Variants in NAALADL2 observed in about 807,000 individuals in gnomAD.
The protein encoded by NAALADL2 is inactive N-acetylated-alpha-linked acidic dipeptidase-like protein 2.
In NAALADL2, 76 loss-of-function variants were observed where a neutral mutation model predicts 87.2. The observed-to-expected ratio is 0.87, with a 90% CI of 0.72 to 1.05. The LOEUF (loss-of-function observed/expected upper bound fraction) is 1.05. Ranked by LOEUF, NAALADL2 falls within the 50% of genes least tolerant of loss-of-function variation. The pLI, the probability that NAALADL2 is intolerant of heterozygous loss-of-function variation, is 0.00. For missense variants in NAALADL2, 1,089 were observed against 945.8 expected (o/e 1.15, Z -1.99); for synonymous variants, 354 against 331.0 (o/e 1.07, Z -0.75).
chr3:175,673,092 A>G (rs1018462063), intron 11 of NAALADL2, among the ~76,000 whole-genome samples: 16 of 152,118 alleles, frequency 1.1e-4, no homozygotes, highest in African/African-American at 3.9e-4. Context: ...CCCTCTTAAT[A>G]TTTATTTCCC....
chr3:175,285,289 C>T (rs1560291325), intron 4 of NAALADL2, among the ~76,000 whole-genome samples: 1 of 152,026 alleles, frequency 6.6e-6, no homozygotes. Context: ...ACCTGCTGTA[C>T]CACATGTTAC....
At chr3:175,544,008 T>C (rs1461839292) in intron 9 of NAALADL2, among the ~76,000 whole-genome samples, 2 of 152,186 alleles carry the variant, frequency 1.3e-5, no homozygotes, top group African/African-American at 4.8e-5. Context: ...TCTCAGAACA[T>C]AAAAGCATAT....
In NAALADL2 at chr3:174,698,833, C is replaced by G. The variant is rs1171555677; in HGVS notation, c.-114-38808C>G. Reference sequence around the variant, plus strand: ...GAGCCGAGATCCCGCCACTGCACTCCAGCCTGGGTGACAGAGCGAGACTCC... The same window carrying G: ...GAGCCGAGATCCCGCCACTGCACTCGAGCCTGGGTGACAGAGCGAGACTCC... On this transcript the variant is annotated intron_variant, in intron 2 of 3. Coordinates refer to the NAALADL2 transcript ENST00000434257. Among the ~76,000 whole-genome samples, 2 of 96,114 alleles carry G rather than the reference C, an allele frequency of 2.1e-5. 1 individual carries two copies. The allele number at this position is 96,114 out of a possible 152,430, so 63.1% of individuals were successfully genotyped here. A position where few individuals can be genotyped will look rare whatever the true frequency, so the allele number is the denominator to read the frequency against.
At chr3:174,698,307 G>C (rs1729220534) in intron 2 of NAALADL2, among the ~76,000 whole-genome samples, 1 of 151,808 alleles carries the variant, frequency 6.6e-6, no homozygotes, top group African/African-American at 2.4e-5. Flanking sequence ...AACTCTCATA[G>C]ATTTTATCTG....
intron 1 of NAALADL2, among the ~76,000 whole-genome samples, chr3:175,069,187 A>G (rs180706327): frequency 2.1e-5 from 3 of 145,868 alleles, no homozygotes; most frequent in Admixed American, 6.7e-5. Flanking sequence ...AAAGAGCTTC[A>G]GCACAGCAAA....
chr3:175,005,091 T>G (rs1748835581), intron 1 of NAALADL2, among the ~76,000 whole-genome samples: 1 of 152,186 alleles, frequency 6.6e-6, no homozygotes, highest in South Asian at 2.1e-4. Context: ...GTTATAGAAA[T>G]TATACTGTCA....
At chr3:175,017,537 C>G (rs771393268) in intron 1 of NAALADL2, among the ~76,000 whole-genome samples, 21 of 151,912 alleles carry the variant, frequency 1.4e-4, no homozygotes, top group Non-Finnish European at 2.6e-4. Context: ...GTCAGTGTGC[C>G]CTGGTTGATC....
intron 1 of NAALADL2, among the ~76,000 whole-genome samples, chr3:174,935,751 T>A (rs1737597072): frequency 6.6e-6 from 1 of 152,124 alleles, no homozygotes; most frequent in African/African-American, 2.4e-5. Flanking sequence ...TAATAGTAAA[T>A]AATATTGCAA....
In NAALADL2 at chr3:175,433,694, CT is replaced by C. The variant is rs1032608650; in HGVS notation, c.1091-13526del. ...ATTACCTTAGACTTTTATCCCTAGC[CT>C]TTTTTTTTCTCTTTTGGATGTGAAT... On this transcript the variant is annotated intron_variant, in intron 5 of 13. Coordinates refer to ENST00000454872, the MANE Select transcript of NAALADL2 (RefSeq NM_207015.3). Among the ~76,000 whole-genome samples the C allele has an allele frequency of 2.7e-5, 4 of 150,730 alleles. No individual in the cohort carries two copies. In the East Asian group the frequency reaches 5.8e-4, roughly 22 times the overall value.
In NAALADL2 at chr3:175,786,732, G is replaced by A. The variant is rs538912967; in HGVS notation, c.2190-16273G>A. ...GTCATTCTCCATCCAGCTTTGTTCC[G>A]TTGCTGGTGAGGAACTGCGTTCCTT... On this transcript the variant is annotated intron_variant, in intron 13 of 13. Transcript: ENST00000454872. Among the ~76,000 whole-genome samples the A allele has an allele frequency of 2.5e-3, 380 of 152,238 alleles. 1 individual carries two copies. Among genetic ancestry groups the A allele is most frequent in the African/African-American group, 8.1e-3 (336 of 41,514 alleles).
intron 2 of NAALADL2, among the ~76,000 whole-genome samples, chr3:174,730,089 A>G (rs1383240133): frequency 1.3e-5 from 2 of 152,046 alleles, no homozygotes; most frequent in Non-Finnish European, 2.9e-5. Context: ...CCTTAATTAC[A>G]TTCTGTAACC....
At chr3:175,534,785 G>A (rs973346594) in intron 9 of NAALADL2, among the ~76,000 whole-genome samples, 1 of 151,678 alleles carries the variant, frequency 6.6e-6, no homozygotes, top group Non-Finnish European at 1.5e-5. Flanking sequence ...ATTTCTTTAG[G>A]ATTTATTGGT....
chr3:175,192,969 A>T (rs1236078766), intron 2 of NAALADL2, among the ~76,000 whole-genome samples: 7 of 151,684 alleles, frequency 4.6e-5, no homozygotes, highest in Non-Finnish European at 8.8e-5. Context: ...TTTTTTTCAG[A>T]TACAAAATGA....
At chr3:175,285,420 G>T (rs1373407513) in intron 4 of NAALADL2, among the ~76,000 whole-genome samples, 1 of 150,550 alleles carries the variant, frequency 6.6e-6, no homozygotes, top group African/African-American at 2.4e-5. Flanking sequence ...TGATATTGTT[G>T]ATTATTTTCT....
At chr3:174,951,271 T>C (rs1004566053) in intron 1 of NAALADL2, among the ~76,000 whole-genome samples, 2 of 152,088 alleles carry the variant, frequency 1.3e-5, no homozygotes, top group East Asian at 3.9e-4. Flanking sequence ...GAGACGTGAA[T>C]GTAATTCTCA....
chr3:175,676,234 A>G (rs1374628223), intron 11 of NAALADL2: 1 of 152,192 alleles, frequency 6.6e-6, no homozygotes, highest in Non-Finnish European at 1.5e-5. Flanking sequence ...CAAGTAGATG[A>G]CAAGCAATAT....
At position 175,256,259 on chromosome 3, in the gene NAALADL2, TGTTTATG is replaced by T. The variant is rs1749920036; in HGVS notation, c.820-149_820-143del. Among the ~76,000 whole-genome samples, 3 of 152,170 alleles carry T rather than the reference TGTTTATG, an allele frequency of 2.0e-5. No homozygotes were observed. The South Asian group carries it at 6.2e-4, about 32-fold the overall frequency. On this transcript the variant is annotated intron_variant, in intron 3 of 13. Coordinates refer to ENST00000454872, the MANE Select transcript of NAALADL2 (RefSeq NM_207015.3). The stretch of plus-strand genomic sequence containing the variant: ...TACCTTGATAGAAATAGAAAGGTCA[TGTTTATG>T]GTAATTGGGACAGGGTAAGAGATAG...
At chr3:174,787,610 T>TAC (rs1578930829) in intron 3 of NAALADL2, among the ~76,000 whole-genome samples, 1 of 111,856 alleles carries the variant, frequency 8.9e-6, no homozygotes, top group African/African-American at 3.0e-5. Context: ...TATATATATA[T>TAC]ATATATATAT....
chr3:175,785,359 C>A (rs1379479670), intron 13 of NAALADL2, among the ~76,000 whole-genome samples: 3 of 145,238 alleles, frequency 2.1e-5, no homozygotes, highest in East Asian at 4.0e-4. Flanking sequence ...GTAGGTCACT[C>A]AGGACTTGCT....
Sources: gnomAD v4.1 joint callset for allele counts (sites outside exome capture counted in the v4.1 genomes callset) on GRCh38, gnomAD v4.1.1 for gene constraint, MANE v1.5 for transcripts, NCBI Gene and HGNC (gene_info 2026-07-23, HGNC 2026-07-21) for gene names.